DCAF8L2: variants seen among roughly 807,000 people sequenced by gnomAD.
The protein encoded by DCAF8L2 is DDB1 and CUL4 associated factor 8 like 2.
For missense variants in DCAF8L2, 430 were observed against 490.7 expected, an observed-to-expected ratio of 0.88 and a Z score of 1.17; for synonymous variants, 200 against 190.9, an observed-to-expected ratio of 1.05 and a Z score of -0.39.
At chrX:27,737,480 A>G (rs1383293735) in intron 4 of DCAF8L2, among the ~76,000 whole-genome samples, 1 of 111,657 alleles carries the variant, frequency 9.0e-6, no homozygotes, top group Non-Finnish European at 1.9e-5. Context: ...GAATGCATAC[A>G]CAAGGGCCCA....
At chrX:27,710,595 A>C (rs2147281316) in intron 3 of DCAF8L2, among the ~76,000 whole-genome samples, 1 of 112,299 alleles carries the variant, frequency 8.9e-6, no homozygotes, top group Admixed American at 9.5e-5. Context: ...ATATTAATCT[A>C]GTCTCTGACC....
At chrX:27,717,748 T>G (rs1931752121) in intron 4 of DCAF8L2, among the ~76,000 whole-genome samples, 1 of 111,959 alleles carries the variant, frequency 8.9e-6, no homozygotes, top group East Asian at 2.8e-4. Context: ...ATTTGTCAAT[T>G]TTTGCTTTTG....
intron 3 of DCAF8L2, among the ~76,000 whole-genome samples, chrX:27,710,030 G>A (rs1000233118): frequency 9.0e-6 from 1 of 110,759 alleles, no homozygotes; most frequent in East Asian, 2.8e-4. Context: ...TATATGGTTT[G>A]CATTAAGGGC....
the DCAF8L2 span, among the ~76,000 whole-genome samples, chrX:27,532,726 A>ATT: frequency 2.3e-5 from 2 of 85,536 alleles, no homozygotes; most frequent in African/African-American, 8.6e-5. Context: ...AGTGAGACCC[A>ATT]TATTTATTTA....
At chrX:27,605,706 T>A in intron 1 of DCAF8L2, among the ~76,000 whole-genome samples, 1 of 111,793 alleles carries the variant, frequency 8.9e-6, no homozygotes, top group East Asian at 2.8e-4. Flanking sequence ...CAATGAAGAC[T>A]TACTGAATAA....
the DCAF8L2 span, chrX:27,519,354 G>A: frequency 8.7e-7 from 1 of 1,148,197 alleles, no homozygotes; most frequent in Admixed American, 2.2e-5. Flanking sequence ...AAGAGGCGAA[G>A]TCTGCCGTAG....
chrX:27,507,522 A>G, the DCAF8L2 span, among the ~76,000 whole-genome samples: 70 of 111,905 alleles, frequency 6.3e-4, no homozygotes, highest in African/African-American at 1.9e-3. Context: ...TATTATTTCC[A>G]TATTATGTTC....
intron 1 of DCAF8L2, among the ~76,000 whole-genome samples, chrX:27,612,830 C>T (rs757173997): frequency 1.8e-5 from 2 of 111,780 alleles, no homozygotes; most frequent in South Asian, 7.5e-4. Context: ...TTGCCAGTAC[C>T]ATGCTGTTTT....
intron 2 of DCAF8L2, among the ~76,000 whole-genome samples, chrX:27,659,306 C>G (rs1929468756): frequency 8.9e-6 from 1 of 112,103 alleles, no homozygotes; most frequent in South Asian, 3.7e-4. Flanking sequence ...TGATCCTTGT[C>G]TTTTAGCCTA....
At chrX:27,621,606 C>G (rs1280763999) in intron 1 of DCAF8L2, among the ~76,000 whole-genome samples, 2 of 111,259 alleles carry the variant, frequency 1.8e-5, no homozygotes, top group Non-Finnish European at 3.8e-5. Flanking sequence ...TAAGATGTCA[C>G]TAAAATTTAA....
intron 1 of DCAF8L2, among the ~76,000 whole-genome samples, chrX:27,600,802 G>T (rs1430561401): frequency 8.9e-6 from 1 of 112,087 alleles, no homozygotes; most frequent in Non-Finnish European, 1.9e-5. Context: ...GAAATCAAAA[G>T]CTCTGATTAT....
At chrX:27,592,249 G>A (rs1305404761) in intron 1 of DCAF8L2, among the ~76,000 whole-genome samples, 2 of 112,047 alleles carry the variant, frequency 1.8e-5, no homozygotes, top group Non-Finnish European at 3.8e-5. Context: ...TCTGCCATCT[G>A]GCATCCTCAC....
At chrX:27,566,916 TTG>T in the DCAF8L2 span, among the ~76,000 whole-genome samples, 13 of 111,208 alleles carry the variant, frequency 1.2e-4, no homozygotes, top group Non-Finnish European at 2.3e-4. Flanking sequence ...TTTTGGTATA[TTG>T]TGTTTTCACT....
At chrX:27,545,915 T>G in the DCAF8L2 span, among the ~76,000 whole-genome samples, 1 of 111,453 alleles carries the variant, frequency 9.0e-6, no homozygotes, top group Non-Finnish European at 1.9e-5. Context: ...TTCTGCCTCT[T>G]GCCCCTCCCA....
At chrX:27,697,136 C>T (rs892689341) in intron 3 of DCAF8L2, among the ~76,000 whole-genome samples, 15 of 110,970 alleles carry the variant, frequency 1.4e-4, no homozygotes, top group South Asian at 7.5e-4. Flanking sequence ...AAAAATTTTC[C>T]GCAAAGTAAA....
intron 1 of DCAF8L2, among the ~76,000 whole-genome samples, chrX:27,621,059 C>T (rs1052978189): frequency 8.9e-6 from 1 of 111,812 alleles, no homozygotes; most frequent in East Asian, 2.8e-4. Context: ...TGGAAGAAAC[C>T]AGTCACAAAA....
chrX:27,545,141 T>C, the DCAF8L2 span, among the ~76,000 whole-genome samples: 1 of 111,470 alleles, frequency 9.0e-6, no homozygotes, highest in Non-Finnish European at 1.9e-5. Context: ...CATGAGTAGC[T>C]AAGGTGCATG....
At chrX:27,542,698 A>G in the DCAF8L2 span, among the ~76,000 whole-genome samples, 1 of 105,501 alleles carries the variant, frequency 9.5e-6, no homozygotes, top group Middle Eastern at 4.8e-3. Context: ...GCCCGCCACT[A>G]CGCCCGGCTA....
chrX:27,537,885 C>G, the DCAF8L2 span, among the ~76,000 whole-genome samples: 5 of 111,943 alleles, frequency 4.5e-5, no homozygotes, highest in African/African-American at 1.6e-4. Context: ...TATGTATTAC[C>G]AACAGCATTT....
Sources: gnomAD v4.1 joint callset for allele counts (sites outside exome capture counted in the v4.1 genomes callset) on GRCh38, gnomAD v4.1.1 for gene constraint, MANE v1.5 for transcripts, NCBI Gene and HGNC (gene_info 2026-07-23, HGNC 2026-07-21) for gene names.